The following COG5 variants were observed in gnomAD, a reference collection of about 807,000 sequenced individuals.
COG5 encodes component of oligomeric golgi complex 5, also known as conserved oligomeric Golgi complex subunit 5.
In COG5, 86 loss-of-function variants were observed where a neutral mutation model predicts 110.4. The ratio of observed to expected loss-of-function variants is 0.78; its 90% CI spans 0.65 to 0.93. COG5 has a LOEUF of 0.93. Among genes scored for constraint, COG5 ranks in the 40% least tolerant of loss-of-function variants. The pLI, the probability that COG5 is intolerant of heterozygous loss-of-function variation, is 0.00. For missense variants in COG5, 1,077 were observed against 987.0 expected, an observed-to-expected ratio of 1.09 and a Z score of -1.22; for synonymous variants, 360 against 334.6, an observed-to-expected ratio of 1.08 and a Z score of -0.83.
In COG5 at chr7:107,294,946, CACACAT is replaced by C. The variant is rs1397691531; in HGVS notation, c.1313+3190_1313+3195del. Among the ~76,000 whole-genome samples, 538 of 118,488 alleles carry C rather than the reference CACACAT, an allele frequency of 4.5e-3. 8 individuals carry two copies. The highest frequency in any genetic ancestry group is 0.014 in the African/African-American group (468 of 32,524). 77.7% of individuals were successfully genotyped at this position (118,488 alleles called of 152,430 possible). On this transcript the variant is annotated intron_variant, in intron 12 of 21. Transcript: ENST00000297135. ...GTGTATATATACACACACACACACA[CACACAT>C]ATATATATACACACATATATATATA...
At chr7:107,212,418 C>G (rs780781500) in intron 19 of COG5, among the ~76,000 whole-genome samples, 2 of 152,200 alleles carry the variant, frequency 1.3e-5, no homozygotes, top group Non-Finnish European at 2.9e-5. Flanking sequence ...AATAATTTCA[C>G]AGTGTTCAAT....
intron 6 of COG5, among the ~76,000 whole-genome samples, chr7:107,511,760 T>C (rs1206280636): frequency 6.6e-6 from 1 of 152,220 alleles, no homozygotes; most frequent in African/African-American, 2.4e-5. Context: ...TCAATAAATG[T>C]AATCCAGCAT....
intron 7 of COG5, among the ~76,000 whole-genome samples, chr7:107,378,932 G>C (rs144994988): frequency 4.6e-5 from 7 of 152,202 alleles, no homozygotes; most frequent in African/African-American, 1.7e-4. Context: ...ACACCACAAA[G>C]ATACTCCTCA....
chr7:107,205,498 G>A (rs1302549647), intron 21 of COG5, among the ~76,000 whole-genome samples: 1 of 152,150 alleles, frequency 6.6e-6, no homozygotes, highest in East Asian at 1.9e-4. Context: ...CCCACCTAGG[G>A]AAAGATCAAG....
intron 6 of COG5, among the ~76,000 whole-genome samples, chr7:107,451,008 G>C (rs979371374): frequency 1.7e-4 from 26 of 152,114 alleles, no homozygotes; most frequent in Non-Finnish European, 1.5e-5. Context: ...CATTACATAT[G>C]GTACTCTATG....
chr7:107,202,748 G>A lies in COG5; in HGVS notation c.*768C>T, dbSNP rs1798434600. 6.6e-6 allele frequency: 1 copy of A among 152,138 alleles called. No homozygotes were observed. Among genetic ancestry groups the A allele is most frequent in the African/African-American group, 2.4e-5 (1 of 41,412 alleles). The allele number at this position is 152,138 out of a possible 1,614,324, so 9.4% of individuals were successfully genotyped here. On this transcript the variant is annotated 3_prime_UTR_variant, in exon 22 of 22. Coordinates refer to ENST00000297135, the MANE Select transcript of COG5 (RefSeq NM_006348.5). ...ACTTAGATTATCTACTATTTATAGA[G>A]AATTGCTATACAATAAAAATTTTTA...
intron 10 of COG5, among the ~76,000 whole-genome samples, chr7:107,353,196 T>G (rs1055457239): frequency 6.6e-6 from 1 of 151,664 alleles, no homozygotes; most frequent in African/African-American, 2.4e-5. Flanking sequence ...GAGGCCGAGG[T>G]GGGCGGATCA....
intron 6 of COG5, among the ~76,000 whole-genome samples, chr7:107,510,799 G>A (rs1426752674): frequency 6.6e-6 from 1 of 152,174 alleles, no homozygotes; most frequent in African/African-American, 2.4e-5. Flanking sequence ...TGACTACTGG[G>A]TACATAACGA....
chr7:107,527,215 T>TAA, intron 6 of COG5, 22 bp downstream of exon 6: 4 of 1,425,472 alleles, frequency 2.8e-6, no homozygotes, highest in African/African-American at 1.5e-5. Context: ...AACTTTTTAT[T>TAA]TAAAAAAAAA....
intron 6 of COG5, among the ~76,000 whole-genome samples, chr7:107,430,370 C>T (rs529980643): frequency 3.9e-5 from 6 of 152,320 alleles, no homozygotes; most frequent in African/African-American, 1.4e-4. Context: ...ATTGTCTTCA[C>T]ATTCTTGTTA....
intron 8 of COG5, among the ~76,000 whole-genome samples, chr7:107,368,488 G>C (rs1325170603): frequency 6.6e-6 from 1 of 152,054 alleles, no homozygotes; most frequent in Non-Finnish European, 1.5e-5. Flanking sequence ...TACATAAACA[G>C]GTTTCTGGAT....
At chr7:107,263,007 C>T (rs1803492138) in intron 14 of COG5, among the ~76,000 whole-genome samples, 2 of 152,180 alleles carry the variant, frequency 1.3e-5, no homozygotes, top group South Asian at 4.1e-4. Flanking sequence ...TTGCTTGGTT[C>T]CTTCCCCCAA....
intron 6 of COG5, among the ~76,000 whole-genome samples, chr7:107,492,262 ATTC>A (rs1413164688): frequency 6.6e-6 from 1 of 151,322 alleles, no homozygotes; most frequent in Non-Finnish European, 1.5e-5. Context: ...TTCAAAAATC[ATTC>A]TTCTTCCTCC....
intron 5 of COG5, among the ~76,000 whole-genome samples, chr7:107,539,784 CTTACTT>C (rs1801844341): frequency 6.6e-6 from 1 of 152,154 alleles, no homozygotes; most frequent in South Asian, 2.1e-4. Context: ...TAGGGTCAGA[CTTACTT>C]TTCCATTTTA....
chr7:107,407,138 T>C (rs1486005873), intron 7 of COG5, among the ~76,000 whole-genome samples: 1 of 152,144 alleles, frequency 6.6e-6, no homozygotes, highest in Non-Finnish European at 1.5e-5. Context: ...TCCCAGCACT[T>C]TGGGAGACAG....
At chr7:107,373,873 A>T (rs1387810482) in intron 7 of COG5, among the ~76,000 whole-genome samples, 1 of 152,204 alleles carries the variant, frequency 6.6e-6, no homozygotes, top group East Asian at 1.9e-4. Context: ...AGTTTATTTT[A>T]GAAGGTTACC....
chr7:107,425,445 A>T (rs1259401107), intron 6 of COG5, among the ~76,000 whole-genome samples: 3 of 151,854 alleles, frequency 2.0e-5, no homozygotes, highest in African/African-American at 7.2e-5. Flanking sequence ...GAATCTTCAT[A>T]TACATGATAC....
chr7:107,386,779 C>A (rs1790239941), intron 7 of COG5, among the ~76,000 whole-genome samples: 1 of 152,116 alleles, frequency 6.6e-6, no homozygotes, highest in African/African-American at 2.4e-5. Flanking sequence ...AGGGAGAAAT[C>A]TGAAACAACA....
intron 7 of COG5, among the ~76,000 whole-genome samples, chr7:107,386,893 G>A (rs1238671518): frequency 6.6e-6 from 1 of 152,072 alleles, no homozygotes; most frequent in African/African-American, 2.4e-5. Flanking sequence ...AAAGGGGAAG[G>A]AGGAGGAAAG....
Sources: gnomAD v4.1 joint callset for allele counts (sites outside exome capture counted in the v4.1 genomes callset) on GRCh38, gnomAD v4.1.1 for gene constraint, MANE v1.5 for transcripts, NCBI Gene and HGNC (gene_info 2026-07-23, HGNC 2026-07-21) for gene names.